Variants in NPHS1 observed in about 807,000 individuals in gnomAD.
NPHS1 encodes the protein nephrin.
Under a neutral mutation model 139.7 loss-of-function variants are expected in NPHS1, and 107 were observed. The ratio of observed to expected loss-of-function variants is 0.77; its 90% confidence interval spans 0.66 to 0.90. The LOEUF (loss-of-function observed/expected upper bound fraction) is 0.90, where lower values mean the gene tolerates loss of function less well. Among genes scored for constraint, NPHS1 ranks in the 40% least tolerant of loss-of-function variants. The pLI, the probability that NPHS1 is intolerant of heterozygous loss-of-function variation, is 0.00. For synonymous variants in NPHS1, 707 were observed against 706.6 expected (o/e 1.00, Z -0.01); for missense variants, 1,580 against 1,654.2 (o/e 0.96, Z 0.78).
chr19:35,845,387 G>A lies in NPHS1; in HGVS notation c.1911C>T (p.Phe637=), dbSNP rs755326761. 1.2e-6 allele frequency: 2 copies of A among 1,614,270 alleles called. No individual in the cohort carries two copies. Among genetic ancestry groups the A allele is most frequent in the Non-Finnish European group, 1.7e-6 (2 of 1,180,050 alleles). ...ACATACACAGTACGTTGAGGCGATA[G>A]AAGGAGCTCACGGTTTCGCGGAGCT... ...SAELRETVSS[F]YRLNVLYRPE... Residue 637 remains phenylalanine (F), a synonymous_variant, in exon 14 of 29, where the codon TTC becomes TTT. Coordinates refer to ENST00000378910, the MANE Select transcript of NPHS1 (RefSeq NM_004646.4). The surrounding 1 kb of genome is among the most constrained non-coding windows in gnomAD (Gnocchi z 5.5).
chr19:35,831,272 G>C, intron 26 of NPHS1, 24 bp downstream of exon 26: 1 of 1,612,550 alleles, frequency 6.2e-7, no homozygotes, highest in Non-Finnish European at 8.5e-7. Context: ...TGATTGTGGG[G>C]TCACCAGGGC....
In NPHS1 at chr19:35,826,222, T is replaced by C. The variant is rs926787184; in HGVS notation, c.*292A>G. 3 of 373,120 alleles carry C rather than the reference T, an allele frequency of 8.0e-6. No homozygotes were observed. Among genetic ancestry groups the C allele is most frequent in the African/African-American group, 6.3e-5 (3 of 47,934 alleles). The allele number at this position is 373,120 out of a possible 1,614,324, so 23.1% of individuals were successfully genotyped here. On this transcript the variant is annotated 3_prime_UTR_variant, in exon 29 of 29. Coordinates refer to ENST00000378910, the MANE Select transcript of NPHS1 (RefSeq NM_004646.4). ...TCAGCCTCCCAAAGTGCTGGGATTA[T>C]AGGCGTGAGTCACCGCACCCGGCAG...
intron 16 of NPHS1, 70 bp downstream of exon 16, chr19:35,844,033 A>G: frequency 6.4e-7 from 1 of 1,573,574 alleles, no homozygotes. Context: ...CGGAGCTCCC[A>G]CAATGAGGAG....
intron 22 of NPHS1, among the ~76,000 whole-genome samples, chr19:35,837,957 A>C (rs1599839447): frequency 1.3e-5 from 2 of 151,684 alleles, no homozygotes; most frequent in South Asian, 2.1e-4. Flanking sequence ...AAAAAAAAAA[A>C]AAACGAAAAC....
In NPHS1 at chr19:35,842,112, G is replaced by A. The variant is rs1973065213; in HGVS notation, c.2663+12C>T. 6.3e-7 allele frequency: 1 copy of A among 1,599,732 alleles called. No homozygotes were observed. The highest frequency in any genetic ancestry group is 1.8e-5 in the Admixed American group (1 of 56,746). On this transcript the variant is annotated intron_variant, in intron 19 of 28. Coordinates refer to ENST00000378910, the MANE Select transcript of NPHS1 (RefSeq NM_004646.4). Reference sequence around the variant, plus strand: ...TGGGGCTGGAGTGCTGCCTGGCTGGGCTTGGGCTCACCTGGGATCTTGGAG... The same window carrying A: ...TGGGGCTGGAGTGCTGCCTGGCTGGACTTGGGCTCACCTGGGATCTTGGAG...
intron 20 of NPHS1, among the ~76,000 whole-genome samples, 175 bp downstream of exon 20, chr19:35,841,540 G>A (rs982365756): frequency 2.0e-5 from 3 of 151,926 alleles, no homozygotes; most frequent in South Asian, 4.2e-4. Flanking sequence ...CCTTTGTTGT[G>A]GGTCTTCCTG....
chr19:35,849,364 C>G lies in NPHS1; in HGVS notation c.713-1G>C. 6.2e-7 allele frequency: 1 copy of G among 1,611,086 alleles called. No homozygotes were observed. The highest frequency in any genetic ancestry group is 8.5e-7 in the Non-Finnish European group (1 of 1,179,226). On this transcript the variant is annotated splice_acceptor_variant, in intron 6 of 28. Transcript: ENST00000378910. LOFTEE classifies it high-confidence loss of function. ...TCGATGACAGGGGGTCCTGGAGGGA[C>G]TGGGGGATATCAGTCACTCAGTGGG... is the stretch of plus-strand genomic sequence containing the variant.
At chr19:35,841,330 G>A (rs941545913) in intron 20 of NPHS1, among the ~76,000 whole-genome samples, 2 of 151,996 alleles carry the variant, frequency 1.3e-5, no homozygotes, top group Non-Finnish European at 1.5e-5. Flanking sequence ...CCAAGATCGC[G>A]CCATCGCACT....
chr19:35,826,672 C>A, intron 28 of NPHS1, 27 bp from the exon 29 acceptor site: 1 of 1,613,750 alleles, frequency 6.2e-7, no homozygotes, highest in Non-Finnish European at 8.5e-7. Flanking sequence ...GGAGTTAGAA[C>A]CATGGAGAGA....
chr19:35,837,203 T>C (rs1434839495), intron 22 of NPHS1, among the ~76,000 whole-genome samples: 1 of 152,134 alleles, frequency 6.6e-6, no homozygotes, highest in Non-Finnish European at 1.5e-5. Flanking sequence ...CTCTGAAGGA[T>C]TTACCACTAC....
At chr19:35,843,066 C>T (rs1453283464) in intron 17 of NPHS1, among the ~76,000 whole-genome samples, 1 of 152,134 alleles carries the variant, frequency 6.6e-6, no homozygotes, top group African/African-American at 2.4e-5. Context: ...CATCCATCAT[C>T]CTTCCATAGA....
rs567149548 is a variant in NPHS1 at position 35,851,263 on chromosome 19, C to A, written c.396G>T (p.Leu132=). Residue 132 remains leucine (L), a splice_region_variant and synonymous_variant, in exon 3 of 29, where the codon CTG becomes CTT. Transcript: ENST00000378910. ...LVSPRVILSI[L]VPPKLLLLTP... Reference sequence around the variant, plus strand: ...GTCCTGGGCGTCTCTCACCCATACCCAGGATGGAGAGGATCACTCTGGGAG... The same window carrying A: ...GTCCTGGGCGTCTCTCACCCATACCAAGGATGGAGAGGATCACTCTGGGAG... 5 of 1,613,986 alleles carry A rather than the reference C, an allele frequency of 3.1e-6. No individual in the cohort carries two copies. The African/African-American group carries it at 6.7e-5, about 22-fold the overall frequency.
intron 23 of NPHS1, 57 bp downstream of exon 23, chr19:35,835,648 G>A: frequency 6.8e-7 from 1 of 1,464,338 alleles, no homozygotes; most frequent in Non-Finnish European, 9.6e-7. Flanking sequence ...TAGGGTCAGA[G>A]ACCAGGAGGT....
chr19:35,848,707 C>A lies in NPHS1; in HGVS notation c.1100G>T (p.Arg367Leu), dbSNP rs200905486. The A allele has an allele frequency of 1.2e-6, 2 of 1,614,132 alleles. No homozygotes were observed. Among genetic ancestry groups the A allele is most frequent in the Non-Finnish European group, 1.7e-6 (2 of 1,180,034 alleles). The change falls in exon 9 of 29, where the codon CGC becomes CTC. Residue 367 changes from arginine (R) to leucine (L), a missense_variant. Physicochemically the swap from Arg to Leu is moderately radical, Grantham distance 102. Coordinates refer to ENST00000378910, the MANE Select transcript of NPHS1 (RefSeq NM_004646.4). Reference protein sequence around the residue: ...VTLSCVSKSSRPRVLLRWWLG... With the variant: ...VTLSCVSKSSLPRVLLRWWLG... ...CCACCATCGTAGCAGAACCCGCGGG[C>A]GACTGGACTTGCTGACACAGGAGAG...
rs763282428 is a variant in NPHS1, at chr19:35,831,016, C to T, written c.3481+37G>A. On this transcript the variant is annotated intron_variant, in intron 27 of 28. Coordinates refer to ENST00000378910, the MANE Select transcript of NPHS1 (RefSeq NM_004646.4). Reference sequence around the variant, plus strand: ...CACCCAGTCCAGGCGTCGGGGGTACCTCTGAGTGAGGGAATCCTGACATGG... The same window carrying T: ...CACCCAGTCCAGGCGTCGGGGGTACTTCTGAGTGAGGGAATCCTGACATGG... The T allele has an allele frequency of 1.4e-5, 23 of 1,610,642 alleles. No homozygotes were observed. In the East Asian group the frequency reaches 5.1e-4, roughly 36 times the overall value.
At chr19:35,846,339 C>G (rs1599843879) in intron 11 of NPHS1, 145 bp from the exon 12 acceptor site, 1 of 808,128 alleles carries the variant, frequency 1.2e-6, no homozygotes, top group East Asian at 2.7e-5. Flanking sequence ...TCAGCACCAC[C>G]CCCCTAGGGC....
chr19:35,839,754 A>T (rs1257883992), intron 20 of NPHS1, 147 bp from the exon 21 acceptor site: 7 of 714,882 alleles, frequency 9.8e-6, no homozygotes, highest in African/African-American at 3.5e-5. Flanking sequence ...CATGGTGAAC[A>T]CTGCTCTGGC....
At chr19:35,846,906 C>T (rs2146824996) in intron 11 of NPHS1, among the ~76,000 whole-genome samples, 2 of 152,298 alleles carry the variant, frequency 1.3e-5, no homozygotes, top group East Asian at 3.8e-4. Context: ...TCCCAGGATT[C>T]TCCTAGAATT....
Position 35,844,199 on chromosome 19 carries a change from G to T in NPHS1, c.2116C>A (p.Leu706Met). ...HRILSSGALH[L>M]WNVTRADDGL... ...TCGTCCGCGCGGGTCACATTCCACA[G>T]ATGCAGAGCCCCGCTGGACAGGATG... Residue 706 changes from leucine (L) to methionine (M), a missense_variant, in exon 16 of 29, where the codon CTG becomes ATG. Coordinates refer to ENST00000378910, the MANE Select transcript of NPHS1 (RefSeq NM_004646.4). 6.2e-7 allele frequency: 1 copy of T among 1,612,548 alleles called. No homozygotes were observed. Among genetic ancestry groups the T allele is most frequent in the East Asian group, 2.2e-5 (1 of 44,890 alleles).
Sources: allele counts gnomAD v4.1 joint callset (sites outside exome capture counted in the v4.1 genomes callset), GRCh38; gene constraint gnomAD v4.1.1; non-coding constraint Gnocchi (gnomAD v3.1); transcripts MANE v1.5; gene names NCBI Gene and HGNC (gene_info 2026-07-23, HGNC 2026-07-21).